The following UBR4 variants were observed in gnomAD, a reference collection of about 807,000 sequenced individuals.
UBR4 encodes the protein E3 ubiquitin-protein ligase UBR4.
In UBR4, 124 loss-of-function variants were observed where a neutral mutation model predicts 575.6. The ratio of observed to expected loss-of-function variants is 0.22; its 90% CI spans 0.19 to 0.25. The LOEUF is 0.25. UBR4 is among the 10% of genes least tolerant of loss of function. The probability of loss-of-function intolerance (pLI) is 1.00; values close to 1 mark genes in which losing one functional copy is unlikely to be tolerated. For missense variants in UBR4, 4,818 were observed against 6,478.8 expected (o/e 0.74, Z 8.80); for synonymous variants, 2,455 against 2,473.7 (o/e 0.99, Z 0.22).
rs2076851101 is a variant in UBR4 at position 19,084,831 on chromosome 1, AG to A, written c.14814-134del. 3.4e-6 allele frequency: 3 copies of A among 879,036 alleles called. No homozygotes were observed. The African/African-American group carries it at 5.1e-5, about 15-fold the overall frequency. The allele number at this position is 879,036 out of a possible 1,614,324, so 54.5% of individuals were successfully genotyped here. On this transcript the variant is annotated intron_variant, in intron 101 of 105. Transcript: ENST00000375254. ...GTTTGCAAACGGAGACAAGAATACA[AG>A]GGAAAGTTGAGGCCAAGGCTGGGGC... is the stretch of plus-strand genomic sequence containing the variant.
At position 19,097,150 on chromosome 1, in the gene UBR4, T is replaced by C. The variant is rs1283203928; in HGVS notation, c.13390+43A>G. 5 of 1,553,702 alleles carry C rather than the reference T, an allele frequency of 3.2e-6. No individual in the cohort carries two copies. In the East Asian group the frequency reaches 9.1e-5, roughly 28 times the overall value. On this transcript the variant is annotated intron_variant, in intron 91 of 105. Coordinates refer to ENST00000375254, the MANE Select transcript of UBR4 (RefSeq NM_020765.3). ...TAAGTCCTGGGACGTGAGCCGCTCA[T>C]GAGTCCCAAGCCTCAGATCCAATGT...
chr1:19,102,273 G>A (rs2078713753), intron 87 of UBR4, among the ~76,000 whole-genome samples: 1 of 152,146 alleles, frequency 6.6e-6, no homozygotes, highest in South Asian at 2.1e-4. Flanking sequence ...GCTGAGGTGG[G>A]AGGATGGTTT....
At position 19,100,290 on chromosome 1, in the gene UBR4, C is replaced by A; in HGVS notation, c.13221+86G>T. The A allele has an allele frequency of 6.8e-7, 1 of 1,478,250 alleles. No homozygotes were observed. Among genetic ancestry groups the A allele is most frequent in the South Asian group, 1.2e-5 (1 of 84,912 alleles). 91.6% of individuals were successfully genotyped at this position (1,478,250 alleles called of 1,614,324 possible). A position where few individuals can be genotyped will look rare whatever the true frequency, so the allele number is the denominator to read the frequency against. On this transcript the variant is annotated intron_variant, in intron 89 of 105. Transcript: ENST00000375254. The surrounding 1 kb of genome is among the most constrained non-coding windows in gnomAD (Gnocchi z 4.2). ...AGGCCACCTGCCCCAAGTTAATCAG[C>A]TACTAGGAAGAAGCACCTGGATTTG...
In UBR4 at chr1:19,155,760, A is replaced by G. The variant is rs560908996; in HGVS notation, c.6073-92T>C. 444 of 1,053,994 alleles carry G rather than the reference A, an allele frequency of 4.2e-4. 10 individuals are homozygous for G. In the South Asian group the frequency reaches 6.1e-3, roughly 14 times the overall value. 65.3% of individuals were successfully genotyped at this position (1,053,994 alleles called of 1,614,324 possible). A position where few individuals can be genotyped will look rare whatever the true frequency, so the allele number is the denominator to read the frequency against. On this transcript the variant is annotated intron_variant, in intron 42 of 105. Coordinates refer to ENST00000375254, the MANE Select transcript of UBR4 (RefSeq NM_020765.3). ...GAATCCAAATAGCCGGAACTGACCA[A>G]TAACAGGCATTCATTCTCCATTCAG...
chr1:19,177,984 G>A (rs2090458255), intron 18 of UBR4, among the ~76,000 whole-genome samples: 1 of 152,148 alleles, frequency 6.6e-6, no homozygotes, highest in Admixed American at 6.6e-5. Context: ...GGAGGTCGAG[G>A]GGAGGATTGC....
intron 101 of UBR4, 24 bp downstream of exon 101, chr1:19,086,121 C>T (rs375405106): frequency 2.2e-5 from 35 of 1,612,212 alleles, no homozygotes; most frequent in Non-Finnish European, 2.9e-5. Flanking sequence ...CTCCATTCCA[C>T]CATGAAAAAT....
At chr1:19,106,500 C>T in intron 83 of UBR4, 69 bp downstream of exon 83, 1 of 1,484,160 alleles carries the variant, frequency 6.7e-7, no homozygotes, top group South Asian at 1.4e-5. Context: ...TGGTGAGGGG[C>T]AGAAACATAT....
At position 19,110,883 on chromosome 1, in the gene UBR4, A is replaced by C; in HGVS notation, c.11802-51T>G. The stretch of plus-strand genomic sequence containing the variant: ...CCTATAATTCACAATCAGGTGTGAC[A>C]CTCCTTTCCACCTGAAGGGGCCCAG... On this transcript the variant is annotated intron_variant, in intron 78 of 105. Coordinates refer to ENST00000375254, the MANE Select transcript of UBR4 (RefSeq NM_020765.3). The surrounding 1 kb of genome is among the most constrained non-coding windows in gnomAD (Gnocchi z 4.5). 6.5e-7 allele frequency: 1 copy of C among 1,547,246 alleles called. No homozygotes were observed. The highest frequency in any genetic ancestry group is 1.4e-5 in the African/African-American group (1 of 73,424).
At position 19,151,755 on chromosome 1, in the gene UBR4, A is replaced by G. The variant is rs1429725900; in HGVS notation, c.7101T>C (p.Tyr2367=). The G allele has an allele frequency of 1.2e-6, 2 of 1,614,092 alleles. No individual in the cohort carries two copies. The highest frequency in any genetic ancestry group is 1.7e-6 in the Non-Finnish European group (2 of 1,180,044). The change falls in exon 48 of 106, where the codon TAT becomes TAC. Residue 2367 remains tyrosine, a synonymous_variant. Coordinates refer to ENST00000375254, the MANE Select transcript of UBR4 (RefSeq NM_020765.3). ...GCATAGTTCTGCCGAAGATCTCGAT[A>G]TATGACGGGGCCCGTTCTATTGCTT... ...GTQAIERAPS[Y]IEIFGRTMQL... is the part of the protein sequence containing the mutation.
chr1:19,086,411 G>A lies in UBR4; in HGVS notation c.14688-141C>T, dbSNP rs530325051. The A allele has an allele frequency of 1.9e-4, 239 of 1,275,310 alleles. No homozygotes were observed. In the Admixed American group the frequency reaches 2.9e-3, roughly 15 times the overall value. 79.0% of individuals were successfully genotyped at this position (1,275,310 alleles called of 1,614,324 possible). On this transcript the variant is annotated intron_variant, in intron 100 of 105. Coordinates refer to ENST00000375254, the MANE Select transcript of UBR4 (RefSeq NM_020765.3). ...GCCCAGGCTCCTGACCCTGCGAAGA[G>A]AATTTGCTATTTGTAGCCTCAATGT...
At position 19,120,352 on chromosome 1, in the gene UBR4, C is replaced by A. The variant is rs1262668654; in HGVS notation, c.10142-4G>T. The A allele has an allele frequency of 1.2e-6, 2 of 1,613,902 alleles. No individual in the cohort carries two copies. Among genetic ancestry groups the A allele is most frequent in the South Asian group, 1.1e-5 (1 of 91,080 alleles). Reference sequence around the variant, plus strand: ...TCCTGGCTGCCAGAGGTCTCACCTGCAAGATTAGGACAGGACTAAGGGCTG... The same window carrying A: ...TCCTGGCTGCCAGAGGTCTCACCTGAAAGATTAGGACAGGACTAAGGGCTG... On this transcript the variant is annotated splice_polypyrimidine_tract_variant and splice_region_variant and intron_variant, in intron 68 of 105. Transcript: ENST00000375254.
chr1:19,151,159 G>C (rs1354410661), intron 48 of UBR4: 1 of 335,900 alleles, frequency 3.0e-6, no homozygotes, highest in Non-Finnish European at 5.5e-6. Context: ...ACTATATCTA[G>C]AAGAAAGAAT....
intron 54 of UBR4, 30 bp from the exon 55 acceptor site, chr1:19,144,121 T>C (rs985584313): frequency 3.2e-5 from 51 of 1,589,876 alleles, no homozygotes; most frequent in Non-Finnish European, 3.7e-5. Flanking sequence ...TGTCACGCTT[T>C]GCTCTCATAT....
intron 11 of UBR4, among the ~76,000 whole-genome samples, chr1:19,189,502 A>G (rs962750872): frequency 2.0e-5 from 3 of 152,256 alleles, no homozygotes; most frequent in East Asian, 1.9e-4. Context: ...ACATTTTAAT[A>G]GTGTCACTGA....
chr1:19,200,577 C>T (rs1261105401), intron 2 of UBR4, among the ~76,000 whole-genome samples: 4 of 151,638 alleles, frequency 2.6e-5, no homozygotes, highest in African/African-American at 7.3e-5. Flanking sequence ...ATGGTCAAAC[C>T]CCATCTCTAC....
At chr1:19,150,390 C>G (rs2085502582) in intron 49 of UBR4, among the ~76,000 whole-genome samples, 187 bp downstream of exon 49, 1 of 152,126 alleles carries the variant, frequency 6.6e-6, no homozygotes, top group Non-Finnish European at 1.5e-5. Flanking sequence ...TCAGATGACT[C>G]TGAGCACATT....
Position 19,192,185 on chromosome 1 carries a change from T to C in UBR4, c.1394+3A>G. On this transcript the variant is annotated splice_donor_region_variant and intron_variant, in intron 11 of 105. Transcript: ENST00000375254. The stretch of plus-strand genomic sequence containing the variant: ...TATAAGTTATAATCAAGTAGACACA[T>C]ACCCTTTTCCAGGCCCCAGTTTAGG... 1 of 1,613,526 alleles carries C rather than the reference T, an allele frequency of 6.2e-7. No individual in the cohort carries two copies. The highest frequency in any genetic ancestry group is 8.5e-7 in the Non-Finnish European group (1 of 1,179,784).
At chr1:19,168,969 C>T (rs1328005239) in intron 27 of UBR4, among the ~76,000 whole-genome samples, 1 of 137,228 alleles carries the variant, frequency 7.3e-6, no homozygotes, top group Non-Finnish European at 1.6e-5. Flanking sequence ...CAGAGCGAGA[C>T]TCCGTCTCAA....
In UBR4 at chr1:19,076,594, C is replaced by G. The variant is rs878919343; in HGVS notation, c.15487+146G>C. ...TATCGGTGACTTGCTATTTACGCATCTTTCCCAGGGCTTTCAGTGGCAGCT... is the reference window on the plus strand; with the variant it reads ...TATCGGTGACTTGCTATTTACGCATGTTTCCCAGGGCTTTCAGTGGCAGCT... On this transcript the variant is annotated intron_variant, in intron 105 of 105. Transcript: ENST00000375254. 15 of 1,104,026 alleles carry G rather than the reference C, an allele frequency of 1.4e-5. No homozygotes were observed. In the South Asian group the frequency reaches 1.9e-4, roughly 14 times the overall value. The allele number at this position is 1,104,026 out of a possible 1,614,324, so 68.4% of individuals were successfully genotyped here.
Sources: gnomAD v4.1 joint callset for allele counts (sites outside exome capture counted in the v4.1 genomes callset) on GRCh38, gnomAD v4.1.1 for gene constraint, Gnocchi (gnomAD v3.1) non-coding constraint, MANE v1.5 for transcripts, NCBI Gene and HGNC (gene_info 2026-07-23, HGNC 2026-07-21) for gene names.